The following NLGN1 variants were observed in gnomAD, a reference collection of about 807,000 sequenced individuals.
The protein encoded by NLGN1 is neuroligin 1, also known as neuroligin-1.
Under a neutral mutation model 65.5 loss-of-function variants are expected in NLGN1, and 12 were observed. The observed-to-expected ratio is 0.18, with a 90% confidence interval of 0.12 to 0.30. The LOEUF (loss-of-function observed/expected upper bound fraction) is 0.30, where lower values mean the gene tolerates loss of function less well. Ranked by LOEUF, NLGN1 falls within the 10% of genes least tolerant of loss-of-function variation. The pLI is 1.00. For synonymous variants in NLGN1, 350 were observed against 359.5 expected (o/e 0.97, Z 0.30); for missense variants, 750 against 1,007.1 (o/e 0.74, Z 3.46).
At chr3:174,140,740 T>G (rs1221798429) in intron 4 of NLGN1, among the ~76,000 whole-genome samples, 1 of 152,168 alleles carries the variant, frequency 6.6e-6, no homozygotes, top group East Asian at 1.9e-4. Flanking sequence ...TCATGGATTA[T>G]TTTTTAAAAA....
At chr3:173,884,790 A>C (rs2150946889) in intron 4 of NLGN1, among the ~76,000 whole-genome samples, 1 of 152,254 alleles carries the variant, frequency 6.6e-6, no homozygotes, top group African/African-American at 2.4e-5. Context: ...ATTGAAATTT[A>C]TTTCTCACGT....
At chr3:173,570,740 G>A (rs1744512990) in intron 2 of NLGN1, among the ~76,000 whole-genome samples, 1 of 152,166 alleles carries the variant, frequency 6.6e-6, no homozygotes, top group South Asian at 2.1e-4. Flanking sequence ...GTCTCACTCT[G>A]TCACCCCAGC....
chr3:173,611,511 A>G (rs949944530), intron 3 of NLGN1, among the ~76,000 whole-genome samples: 6 of 152,042 alleles, frequency 3.9e-5, no homozygotes, highest in Non-Finnish European at 1.5e-5. Flanking sequence ...ATCACCACAC[A>G]CTGAAATAAT....
chr3:173,681,679 A>C (rs1243165490), intron 3 of NLGN1, among the ~76,000 whole-genome samples: 1 of 152,150 alleles, frequency 6.6e-6, no homozygotes, highest in Non-Finnish European at 1.5e-5. Flanking sequence ...ACTGCTAGTA[A>C]CTACTTACTA....
chr3:173,790,014 C>A, intron 3 of NLGN1: 1 of 378,758 alleles, frequency 2.6e-6, no homozygotes. Context: ...TTTCCTCATA[C>A]CATAGGAGGC....
At chr3:173,549,262 A>G (rs532988898) in intron 2 of NLGN1, among the ~76,000 whole-genome samples, 1 of 152,168 alleles carries the variant, frequency 6.6e-6, no homozygotes, top group South Asian at 2.1e-4. Flanking sequence ...TCCTGAGTAA[A>G]TGAAAGATAG....
chr3:173,747,069 C>T (rs897950426), intron 3 of NLGN1, among the ~76,000 whole-genome samples: 2,437 of 147,528 alleles, frequency 0.017, 89 homozygotes, highest in African/African-American at 0.059. Context: ...TACACACACA[C>T]ACACACACAC....
chr3:174,126,595 T>C (rs1391934391), intron 4 of NLGN1, among the ~76,000 whole-genome samples: 2 of 152,144 alleles, frequency 1.3e-5, no homozygotes, highest in Non-Finnish European at 2.9e-5. Context: ...ATTGTTAATA[T>C]AGTTTAGGAG....
At chr3:173,835,558 GATA>G (rs1040546388) in intron 4 of NLGN1, among the ~76,000 whole-genome samples, 29 of 132,582 alleles carry the variant, frequency 2.2e-4, no homozygotes, top group African/African-American at 7.6e-4. Flanking sequence ...AATATATATG[GATA>G]ATAATATGTT....
intron 4 of NLGN1, among the ~76,000 whole-genome samples, chr3:173,850,715 T>A (rs899205842): frequency 6.6e-6 from 1 of 152,056 alleles, no homozygotes; most frequent in Non-Finnish European, 1.5e-5. Context: ...TTTTTCCAAC[T>A]ATATCCTTCA....
At chr3:173,908,086 T>C (rs1738823730) in intron 4 of NLGN1, among the ~76,000 whole-genome samples, 1 of 152,182 alleles carries the variant, frequency 6.6e-6, no homozygotes, top group Admixed American at 6.5e-5. Context: ...ACAACTTTTA[T>C]AAAAATATTG....
At chr3:173,752,522 C>T (rs1199500607) in intron 3 of NLGN1, among the ~76,000 whole-genome samples, 7 of 152,076 alleles carry the variant, frequency 4.6e-5, no homozygotes, top group Non-Finnish European at 7.4e-5. Context: ...AATCAACCAA[C>T]TCTTCCTTAT....
intron 3 of NLGN1, among the ~76,000 whole-genome samples, chr3:173,716,835 G>A (rs1429730114): frequency 1.3e-5 from 2 of 152,068 alleles, no homozygotes; most frequent in Non-Finnish European, 2.9e-5. Context: ...GTTCCAAGGT[G>A]AATATTTGTC....
intron 4 of NLGN1, among the ~76,000 whole-genome samples, chr3:173,832,820 A>G (rs933987972): frequency 1.3e-5 from 2 of 152,166 alleles, no homozygotes; most frequent in Admixed American, 1.3e-4. Flanking sequence ...CCTAGGTTTG[A>G]TCTTCTTTAG....
intron 4 of NLGN1, among the ~76,000 whole-genome samples, chr3:174,267,342 T>C (rs1409604253): frequency 5.3e-5 from 8 of 152,064 alleles, no homozygotes; most frequent in Admixed American, 2.0e-4. Flanking sequence ...TCATGAAGGA[T>C]CTGCTTCCAT....
intron 3 of NLGN1, among the ~76,000 whole-genome samples, chr3:173,675,761 T>C (rs945218682): frequency 2.0e-5 from 3 of 151,930 alleles, no homozygotes; most frequent in African/African-American, 4.8e-5. Flanking sequence ...TGGAACTGTT[T>C]TGTATCTTGA....
intron 4 of NLGN1, among the ~76,000 whole-genome samples, chr3:173,878,713 T>C (rs1457569042): frequency 3.3e-5 from 5 of 151,218 alleles, no homozygotes; most frequent in African/African-American, 4.9e-5. Context: ...CATATATAAG[T>C]GTGTATATAT....
At chr3:173,539,600 ATATG>A (rs990238640) in intron 2 of NLGN1, among the ~76,000 whole-genome samples, 34 of 118,178 alleles carry the variant, frequency 2.9e-4, no homozygotes, top group African/African-American at 9.6e-4. Context: ...GTTATATAAT[ATATG>A]TATGTTATAT....
intron 4 of NLGN1, among the ~76,000 whole-genome samples, chr3:173,891,382 C>T (rs1205324224): frequency 3.9e-5 from 6 of 152,162 alleles, no homozygotes; most frequent in Non-Finnish European, 5.9e-5. Context: ...AAGCTATCTG[C>T]ATAGTCAGAA....
Sources: gnomAD v4.1 joint callset for allele counts (sites outside exome capture counted in the v4.1 genomes callset) on GRCh38, gnomAD v4.1.1 for gene constraint, MANE v1.5 for transcripts, NCBI Gene and HGNC (gene_info 2026-07-23, HGNC 2026-07-21) for gene names.